The following MARCHF3 variants were observed in gnomAD, a reference collection of about 807,000 sequenced individuals.
MARCHF3 encodes the protein E3 ubiquitin-protein ligase MARCHF3.
In MARCHF3, 13 loss-of-function variants were observed where a neutral mutation model predicts 24.2. That is an observed-to-expected ratio of 0.54 (90% CI 0.35 to 0.85). MARCHF3 has a LOEUF of 0.85. MARCHF3 is among the 40% of genes least tolerant of loss of function. The pLI, the probability that MARCHF3 is intolerant of heterozygous loss-of-function variation, is 0.01. For missense variants in MARCHF3, 276 were observed against 325.0 expected (o/e 0.85, Z 1.16); for synonymous variants, 144 against 137.3 (o/e 1.05, Z -0.34).
At chr5:126,958,680 C>CT (rs919442747) in intron 1 of MARCHF3, among the ~76,000 whole-genome samples, 30 of 151,532 alleles carry the variant, frequency 2.0e-4, no homozygotes, top group East Asian at 3.9e-4. Flanking sequence ...TCAAATGTGA[C>CT]TTTTTTTTTA....
intron 1 of MARCHF3, among the ~76,000 whole-genome samples, chr5:126,992,556 A>G (rs893580139): frequency 2.6e-5 from 4 of 152,192 alleles, no homozygotes; most frequent in Non-Finnish European, 4.4e-5. Flanking sequence ...TGTCTCCCTT[A>G]GCCAGGATCT....
At chr5:126,875,175 C>T (rs1389454759) in intron 4 of MARCHF3, among the ~76,000 whole-genome samples, 1 of 152,176 alleles carries the variant, frequency 6.6e-6, no homozygotes, top group African/African-American at 2.4e-5. Context: ...TCACTTGTGA[C>T]ATGGACAGTG....
At chr5:126,935,415 C>A (rs1228395961) in intron 1 of MARCHF3, among the ~76,000 whole-genome samples, 2 of 152,020 alleles carry the variant, frequency 1.3e-5, no homozygotes, top group Non-Finnish European at 2.9e-5. Flanking sequence ...CAAACTGAAA[C>A]ATGGGCTCTT....
chr5:127,011,241 T>C (rs1469899998), intron 1 of MARCHF3, among the ~76,000 whole-genome samples: 1 of 152,182 alleles, frequency 6.6e-6, no homozygotes, highest in African/African-American at 2.4e-5. Context: ...CTCGGTACAC[T>C]GAATCCATCA....
intron 3 of MARCHF3, among the ~76,000 whole-genome samples, chr5:126,886,296 A>G (rs1753507745): frequency 6.6e-6 from 1 of 152,130 alleles, no homozygotes; most frequent in East Asian, 1.9e-4. Context: ...CTTTTCACTT[A>G]CTTTCACACT....
chr5:126,945,422 T>C (rs1749977543), intron 1 of MARCHF3, among the ~76,000 whole-genome samples: 1 of 152,152 alleles, frequency 6.6e-6, no homozygotes, highest in Non-Finnish European at 1.5e-5. Context: ...GGCAGAGGCA[T>C]TCAGAGGTGT....
intron 3 of MARCHF3, chr5:126,898,835 T>C (rs1381329181): frequency 3.1e-6 from 3 of 971,424 alleles, no homozygotes; most frequent in Non-Finnish European, 3.7e-6. Context: ...ATAGCATCGC[T>C]AGAGGTGAAG....
intron 1 of MARCHF3, among the ~76,000 whole-genome samples, chr5:126,987,239 A>C (rs1751596807): frequency 6.6e-6 from 1 of 152,242 alleles, no homozygotes; most frequent in South Asian, 2.1e-4. Context: ...AAACAAGATG[A>C]ATATGCCCTA....
intron 1 of MARCHF3, among the ~76,000 whole-genome samples, chr5:126,963,351 AT>A (rs796702415): frequency 1.1e-3 from 171 of 152,284 alleles, no homozygotes; most frequent in African/African-American, 3.8e-3. Context: ...CATGTTTGTT[AT>A]TTTTGTAGGA....
chr5:126,949,343 G>A (rs1159218231), intron 1 of MARCHF3, among the ~76,000 whole-genome samples: 1 of 152,106 alleles, frequency 6.6e-6, no homozygotes, highest in Non-Finnish European at 1.5e-5. Context: ...CCAAATGGCT[G>A]GTATATCTAC....
intron 1 of MARCHF3, among the ~76,000 whole-genome samples, chr5:126,930,457 T>C (rs1236764453): frequency 6.6e-6 from 1 of 152,242 alleles, no homozygotes; most frequent in Non-Finnish European, 1.5e-5. Flanking sequence ...ATTTATGGAA[T>C]ACATCTGAAG....
chr5:126,967,750 G>A (rs1179535762), intron 1 of MARCHF3, among the ~76,000 whole-genome samples: 1 of 151,998 alleles, frequency 6.6e-6, no homozygotes, highest in Non-Finnish European at 1.5e-5. Flanking sequence ...TTGCACTAGA[G>A]CTGGGATTGG....
At position 126,918,127 on chromosome 5, in the gene MARCHF3, G is replaced by A; in HGVS notation, c.45C>T (p.Asp15=). 2 of 1,614,158 alleles carry A rather than the reference G, an allele frequency of 1.2e-6. No individual in the cohort carries two copies. The highest frequency in any genetic ancestry group is 1.7e-6 in the Non-Finnish European group (2 of 1,180,042). The change falls in exon 2 of 5, where the codon GAC becomes GAT. Residue 15 remains aspartate (D), a synonymous_variant. Transcript: ENST00000308660. The stretch of plus-strand genomic sequence containing the variant: ...CCACGGGTGCAGCTGAGCTGGTGCA[G>A]TCTGGCAGGACTTCGGGCAGGTGAC... ...RCSHLPEVLP[D]CTSSAAPVVK...
At chr5:126,987,486 C>A (rs900110012) in intron 1 of MARCHF3, among the ~76,000 whole-genome samples, 1 of 152,214 alleles carries the variant, frequency 6.6e-6, no homozygotes, top group South Asian at 2.1e-4. Context: ...TGTCTGCCTG[C>A]CCCATGGGTT....
intron 1 of MARCHF3, among the ~76,000 whole-genome samples, chr5:126,931,941 T>G (rs551882235): frequency 6.6e-6 from 1 of 152,362 alleles, no homozygotes; most frequent in African/African-American, 2.4e-5. Context: ...TTTGAATCCC[T>G]TCGATTTTCC....
intron 1 of MARCHF3, among the ~76,000 whole-genome samples, chr5:126,972,645 C>T (rs1043989878): frequency 6.6e-6 from 1 of 152,180 alleles, no homozygotes; most frequent in Non-Finnish European, 1.5e-5. Context: ...GCCTTACCTC[C>T]ATCCACTTCC....
At chr5:126,885,453 G>C (rs1409697008) in intron 3 of MARCHF3, among the ~76,000 whole-genome samples, 1 of 152,108 alleles carries the variant, frequency 6.6e-6, no homozygotes, top group Non-Finnish European at 1.5e-5. Flanking sequence ...TGTAATCCCA[G>C]CTACTTGGGA....
intron 1 of MARCHF3, among the ~76,000 whole-genome samples, chr5:126,996,145 A>G (rs1434298432): frequency 6.6e-6 from 1 of 152,206 alleles, no homozygotes; most frequent in African/African-American, 2.4e-5. Context: ...TTCAGGCCTC[A>G]GGTCTCTCCT....
intron 3 of MARCHF3, among the ~76,000 whole-genome samples, chr5:126,907,337 C>A (rs1754337203): frequency 1.5e-5 from 2 of 134,230 alleles, no homozygotes; most frequent in Non-Finnish European, 3.1e-5. Context: ...ATTAGGTCTG[C>A]TTGGTGCAGA....
Sources: gnomAD v4.1 joint callset for allele counts (sites outside exome capture counted in the v4.1 genomes callset) on GRCh38, gnomAD v4.1.1 for gene constraint, MANE v1.5 for transcripts, NCBI Gene and HGNC (gene_info 2026-07-23, HGNC 2026-07-21) for gene names.